Variants in ST3GAL3 observed in about 807,000 individuals in gnomAD.
ST3GAL3 encodes ST3 beta-galactoside alpha-2,3-sialyltransferase 3, also known as CMP-N-acetylneuraminate-beta-1,4-galactoside alpha-2,3-sialyltransferase.
Under a neutral mutation model 50.1 loss-of-function variants are expected in ST3GAL3, and 21 were observed. The ratio of observed to expected loss-of-function variants is 0.42; its 90% CI spans 0.30 to 0.60. The LOEUF is 0.60. Among genes scored for constraint, ST3GAL3 ranks in the 20% least tolerant of loss-of-function variants. The probability of loss-of-function intolerance (pLI) is 0.19; values close to 1 mark genes in which losing one functional copy is unlikely to be tolerated. For synonymous variants in ST3GAL3, 183 were observed against 190.0 expected, an observed-to-expected ratio of 0.96 and a Z score of 0.30; for missense variants, 353 against 489.4, an observed-to-expected ratio of 0.72 and a Z score of 2.63.
intron 5 of ST3GAL3, among the ~76,000 whole-genome samples, chr1:43,872,350 G>C (rs781145090): frequency 6.8e-6 from 1 of 147,898 alleles, no homozygotes; most frequent in African/African-American, 2.5e-5. Flanking sequence ...TGAGCGAGAC[G>C]GGGTGTGAGG....
At chr1:43,917,623 TATATATA>T (rs1427734880) in intron 9 of ST3GAL3, among the ~76,000 whole-genome samples, 5 of 77,492 alleles carry the variant, frequency 6.5e-5, no homozygotes, top group African/African-American at 1.7e-4. Context: ...TATATTATAT[TATATATA>T]ATATATAATA....
chr1:43,773,661 C>G (rs1696145537), intron 2 of ST3GAL3, among the ~76,000 whole-genome samples: 1 of 152,166 alleles, frequency 6.6e-6, no homozygotes, highest in Non-Finnish European at 1.5e-5. Flanking sequence ...CCTCAAATAT[C>G]TCAGTTTGCA....
intron 7 of ST3GAL3, chr1:43,898,918 A>C (rs933749220): frequency 1.7e-4 from 99 of 567,450 alleles, no homozygotes; most frequent in Non-Finnish European, 2.7e-4. Context: ...CTGGCACCCA[A>C]GCCTTTCCAT....
chr1:43,781,194 C>T (rs561279669), intron 2 of ST3GAL3, among the ~76,000 whole-genome samples: 8 of 152,238 alleles, frequency 5.3e-5, no homozygotes, highest in South Asian at 2.1e-4. Context: ...AACATGCAGT[C>T]GTTTCTGTCA....
intron 5 of ST3GAL3, among the ~76,000 whole-genome samples, chr1:43,884,982 GCCAGT>G (rs758314674): frequency 2.9e-4 from 44 of 152,300 alleles, no homozygotes; most frequent in Admixed American, 8.5e-4. Context: ...CAGCTTTCTT[GCCAGT>G]CTGTGGATAC....
intron 5 of ST3GAL3, among the ~76,000 whole-genome samples, chr1:43,890,905 G>A (rs1283993831): frequency 1.3e-5 from 2 of 151,938 alleles, no homozygotes; most frequent in East Asian, 1.9e-4. Flanking sequence ...AACAATATCC[G>A]AATGCAACTG....
chr1:43,735,118 G>C (rs1169713648), intron 1 of ST3GAL3, among the ~76,000 whole-genome samples: 2 of 152,168 alleles, frequency 1.3e-5, no homozygotes, highest in Admixed American at 1.3e-4. Flanking sequence ...TCGAGGCTCA[G>C]TCAGAAACCG....
At chr1:43,875,897 CTCTTCTTCTTCTTCT>C (rs66500354) in intron 5 of ST3GAL3, among the ~76,000 whole-genome samples, 4,487 of 133,852 alleles carry the variant, frequency 0.034, 177 homozygotes, top group African/African-American at 0.088. Flanking sequence ...TTTAGAATTT[CTCTTCTTCTTCTTCT>C]TCTTCTTCTT....
chr1:43,767,164 G>T (rs1693384638), intron 2 of ST3GAL3, among the ~76,000 whole-genome samples: 1 of 152,208 alleles, frequency 6.6e-6, no homozygotes, highest in African/African-American at 2.4e-5. Flanking sequence ...CACTTGAGGA[G>T]TTTCAGGGAC....
chr1:43,804,491 T>G (rs1271524072), intron 3 of ST3GAL3, among the ~76,000 whole-genome samples: 1 of 152,004 alleles, frequency 6.6e-6, no homozygotes. Context: ...GGTAAAGACC[T>G]TGGTTGAGAT....
chr1:43,872,475 G>A (rs1162823355), intron 5 of ST3GAL3, among the ~76,000 whole-genome samples: 1 of 151,878 alleles, frequency 6.6e-6, no homozygotes, highest in East Asian at 1.9e-4. Flanking sequence ...GGGCATGGCA[G>A]ATACCAAAAC....
In ST3GAL3 at chr1:43,899,333, ACTGT is replaced by A. The variant is rs2077882807; in HGVS notation, c.557+78_557+81del. On this transcript the variant is annotated intron_variant, in intron 8 of 11. Coordinates refer to ENST00000347631, the MANE Select transcript of ST3GAL3 (RefSeq NM_006279.5). This position sits in a 1 kb window ranked among gnomAD's most constrained non-coding sequence, Gnocchi z 5.4. ...ACCCTTAGTCCTGAGCCCATTGAGA[ACTGT>A]CTGTCTGGCTAGTTGGGCTGGAGGT... is the stretch of plus-strand genomic sequence containing the variant. 2 of 1,612,916 alleles carry A rather than the reference ACTGT, an allele frequency of 1.2e-6. No homozygotes were observed. Among genetic ancestry groups the A allele is most frequent in the Non-Finnish European group, 8.5e-7 (1 of 1,179,522 alleles).
intron 5 of ST3GAL3, among the ~76,000 whole-genome samples, chr1:43,886,218 T>G (rs1275926282): frequency 6.6e-6 from 1 of 152,106 alleles, no homozygotes; most frequent in Non-Finnish European, 1.5e-5. Context: ...CTGTCTCTAC[T>G]AAAAATACAA....
chr1:43,726,394 C>A (rs566130297), intron 1 of ST3GAL3, among the ~76,000 whole-genome samples: 1 of 151,900 alleles, frequency 6.6e-6, no homozygotes, highest in African/African-American at 2.4e-5. Flanking sequence ...TCAAGTAATC[C>A]TCCCTCCTCA....
At chr1:43,915,841 G>A (rs1439136632) in intron 9 of ST3GAL3, among the ~76,000 whole-genome samples, 1 of 152,212 alleles carries the variant, frequency 6.6e-6, no homozygotes, top group East Asian at 1.9e-4. Context: ...TTGAGAGGCT[G>A]GGCGCAGTGG....
rs561015923 is a variant in ST3GAL3 at position 43,810,968 on chromosome 1, A to AC, written c.167-3921dup. On this transcript the variant is annotated intron_variant, in intron 3 of 11. Coordinates refer to ENST00000347631, the MANE Select transcript of ST3GAL3 (RefSeq NM_006279.5). ...CCCTTCCTATGTTTTGGTTATGTGA[A>AC]CCACTAAATCCATTTGCACTAACTT... is the stretch of plus-strand genomic sequence containing the variant. Among the ~76,000 whole-genome samples the AC allele has an allele frequency of 4.1e-3, 620 of 152,208 alleles. 3 individuals carry two copies. The highest frequency in any genetic ancestry group is 6.0e-3 in the Non-Finnish European group (410 of 68,004).
In ST3GAL3 at chr1:43,792,167, T is replaced by G. The variant is rs747694634; in HGVS notation, c.166+18T>G. The G allele has an allele frequency of 6.2e-7, 1 of 1,614,204 alleles. No individual in the cohort carries two copies. Among genetic ancestry groups the G allele is most frequent in the South Asian group, 1.1e-5 (1 of 91,084 alleles). ...AGGCTCAGGTACCAACTCTTCCCCC[T>G]CTATCATCTTTTTGGCCTTCAATAT... is the stretch of plus-strand genomic sequence containing the variant. On this transcript the variant is annotated intron_variant, in intron 3 of 11. Transcript: ENST00000347631.
At chr1:43,901,529 G>A (rs968560069) in intron 9 of ST3GAL3, among the ~76,000 whole-genome samples, 1 of 152,204 alleles carries the variant, frequency 6.6e-6, no homozygotes, top group East Asian at 1.9e-4. Context: ...AAGGGAGTAA[G>A]GAAAGAAAGA....
chr1:43,912,024 A>G (rs1342715596), intron 9 of ST3GAL3: 5 of 152,206 alleles, frequency 3.3e-5, no homozygotes. Flanking sequence ...AATTTTAGAC[A>G]CGTGATATGT....
Sources: gnomAD v4.1 joint callset for allele counts (sites outside exome capture counted in the v4.1 genomes callset) on GRCh38, gnomAD v4.1.1 for gene constraint, Gnocchi (gnomAD v3.1) non-coding constraint, MANE v1.5 for transcripts, NCBI Gene and HGNC (gene_info 2026-07-23, HGNC 2026-07-21) for gene names.